The following TMC5 variants were observed in gnomAD, a reference collection of about 807,000 sequenced individuals.
TMC5 encodes the protein transmembrane channel like 5, also known as transmembrane channel-like protein 5.
A neutral mutation model predicts 110.5 loss-of-function variants in TMC5; 86 were observed. That is an observed-to-expected ratio of 0.78 (90% CI 0.65 to 0.93). The LOEUF (loss-of-function observed/expected upper bound fraction) is 0.93. TMC5 is among the 40% of genes least tolerant of loss of function. TMC5 has a pLI of 0.00. For synonymous variants in TMC5, 455 were observed against 439.5 expected (o/e 1.04, Z -0.44); for missense variants, 1,144 against 1,222.8 (o/e 0.94, Z 0.96).
intron 19 of TMC5, 87 bp downstream of exon 19, chr16:19,492,315 A>G (rs1597220462): frequency 2.3e-6 from 2 of 875,608 alleles, no homozygotes; most frequent in East Asian, 5.0e-5. Context: ...GAATACTACA[A>G]TGAACTCTCA....
chr16:19,434,072 T>TC (rs1401291931), intron 2 of TMC5, among the ~76,000 whole-genome samples: 4 of 20,184 alleles, frequency 2.0e-4, no homozygotes, highest in African/African-American at 1.6e-3. Context: ...TCTATATATA[T>TC]TATATATAAT....
rs371106224 is a variant in TMC5, at chr16:19,478,236, G to C, written c.2169+718G>C. On this transcript the variant is annotated intron_variant, in intron 13 of 21. Coordinates refer to ENST00000542583, the MANE Select transcript of TMC5 (RefSeq NM_001261841.2). ...GTCATTGTGAGCTCTCAGATACCCA[G>C]GATGCCCTGGGGTTGGAAGTAGAGT... is the stretch of plus-strand genomic sequence containing the variant. Among the ~76,000 whole-genome samples the C allele has an allele frequency of 1.4e-3, 213 of 152,290 alleles. 2 individuals carry two copies. Among genetic ancestry groups the C allele is most frequent in the African/African-American group, 4.9e-3 (203 of 41,564 alleles).
At chr16:19,430,899 G>A (rs113491918) in intron 2 of TMC5, among the ~76,000 whole-genome samples, 18,471 of 135,374 alleles carry the variant, frequency 0.14, 1,509 homozygotes, top group South Asian at 0.18. Context: ...TCGCTCTGTC[G>A]CCAGGCTGGA....
intron 4 of TMC5, 28 bp from the exon 5 acceptor site, chr16:19,449,514 G>C: frequency 4.4e-6 from 7 of 1,586,642 alleles, no homozygotes; most frequent in Non-Finnish European, 6.1e-6. Context: ...GAGACTAATC[G>C]GCAATATCTC....
At chr16:19,490,921 CTTTCT>C (rs1968883314) in intron 18 of TMC5, among the ~76,000 whole-genome samples, 15 of 119,746 alleles carry the variant, frequency 1.3e-4, no homozygotes, top group African/African-American at 4.9e-4. Context: ...CCTTCCCCTT[CTTTCT>C]CCCTTCCCCT....
chr16:19,493,170 A>G (rs1354411888), intron 19 of TMC5, among the ~76,000 whole-genome samples: 2 of 151,312 alleles, frequency 1.3e-5, no homozygotes, highest in Non-Finnish European at 2.9e-5. Flanking sequence ...CATGTTGGTC[A>G]GGCTGGTCTC....
chr16:19,460,312 A>G lies in TMC5; in HGVS notation c.1126A>G (p.Met376Val). The G allele has an allele frequency of 1.2e-6, 2 of 1,613,718 alleles. No homozygotes were observed. The highest frequency in any genetic ancestry group is 1.6e-4 in the Middle Eastern group (1 of 6,062). The change falls in exon 6 of 22, where the codon ATG (methionine) becomes GTG (valine). Residue 376 changes from methionine to valine, a missense_variant. Transcript: ENST00000542583. ...AGCCATCAGGAACCAGCCAAGGACC[A>G]TGGAAGAGAAAAGGAACCTTAGGTA... The part of the protein sequence containing the change: ...IKAIRNQPRT[M>V]EEKRNLRKIV...
intron 5 of TMC5, chr16:19,456,477 T>C: frequency 8.2e-7 from 1 of 1,226,770 alleles, no homozygotes; most frequent in Non-Finnish European, 1.0e-6. Flanking sequence ...AAAACACTCC[T>C]TCTCCTGAGA....
At chr16:19,416,703 C>T (rs1246649640), upstream of TMC5, among the ~76,000 whole-genome samples, 1 of 152,184 alleles carries the variant, frequency 6.6e-6, no homozygotes, top group Non-Finnish European at 1.5e-5. Context: ...TACTGCCTGT[C>T]CTTTGTTTCC....
rs563230178 is a variant in TMC5, at chr16:19,493,466, T to TCTTTCTCTCTCTCTTTC, written c.2827-796_2827-795insCTTTCTCTCTCTCTTTC. Among the ~76,000 whole-genome samples, 629 of 124,480 alleles carry TCTTTCTCTCTCTCTTTC rather than the reference T, an allele frequency of 5.1e-3. 3 individuals are homozygous for TCTTTCTCTCTCTCTTTC. The highest frequency in any genetic ancestry group is 6.6e-3 in the Non-Finnish European group (420 of 63,424). The allele number at this position is 124,480 out of a possible 152,430, so 81.7% of individuals were successfully genotyped here. A position where few individuals can be genotyped will look rare whatever the true frequency, so the allele number is the denominator to read the frequency against. ...TAATGTCTCTCTCTCTCTCTCTCTC[T>TCTTTCTCTCTCTCTTTC]TTTTTTTTTTTTGAGACAGAATCTC... is the stretch of plus-strand genomic sequence containing the variant. On this transcript the variant is annotated intron_variant, in intron 19 of 21. Transcript: ENST00000542583.
rs575187420 is a variant in TMC5 at position 19,487,286 on chromosome 16, T to C, written c.2533T>C (p.Phe845Leu). Residue 845 changes from phenylalanine to leucine, a missense_variant, in exon 17 of 22, where the codon TTC (phenylalanine) becomes CTC (leucine). Transcript: ENST00000542583. ...CATCTTCTTGCTCTTTTTCCCATCCTTCACCGGGGTCTTGTGCACCCTGGC... is the reference window on the plus strand; with the variant it reads ...CATCTTCTTGCTCTTTTTCCCATCCCTCACCGGGGTCTTGTGCACCCTGGC... ...FFIFLLFFPS[F>L]TGVLCTLAIT... 6 of 1,614,180 alleles carry C rather than the reference T, an allele frequency of 3.7e-6. No individual in the cohort carries two copies. The South Asian group carries it at 6.6e-5, about 18-fold the overall frequency.
rs1418433754 is a variant in TMC5 at position 19,487,465 on chromosome 16, G to A, written c.2573+139G>A. The A allele has an allele frequency of 3.5e-5, 41 of 1,161,084 alleles. 1 individual carries two copies. In the East Asian group the frequency reaches 1.0e-3, roughly 29 times the overall value. The allele number at this position is 1,161,084 out of a possible 1,614,324, so 71.9% of individuals were successfully genotyped here. ...GCCTGTGATCCCGGCACTATGGGAG[G>A]CCAAGGCGGGTGGATCACTTGAGGC... is the stretch of plus-strand genomic sequence containing the variant. On this transcript the variant is annotated intron_variant, in intron 17 of 21. Transcript: ENST00000542583.
At chr16:19,432,600 GC>G (rs1039330794) in intron 2 of TMC5, among the ~76,000 whole-genome samples, 1 of 152,084 alleles carries the variant, frequency 6.6e-6, no homozygotes, top group Non-Finnish European at 1.5e-5. Flanking sequence ...TTTCCTTATG[GC>G]CATTTCCTCC....
In TMC5 at chr16:19,434,327, CTAT is replaced by C. The variant is rs1309719155; in HGVS notation, c.-80+3688_-80+3690del. On this transcript the variant is annotated intron_variant, in intron 2 of 21. Transcript: ENST00000542583. Reference sequence around the variant, plus strand: ...TCTATATTATATATATAATATAGATCTATATATAATATATATTATATGATCTAT... The same window carrying C: ...TCTATATTATATATATAATATAGATCATATAATATATATTATATGATCTAT... 4.4e-4 allele frequency among the ~76,000 whole-genome samples: 47 copies of C among 106,372 alleles called. 1 individual carries two copies. Among genetic ancestry groups the C allele is most frequent in the East Asian group, 2.5e-3 (10 of 3,958 alleles). The allele number at this position is 106,372 out of a possible 152,430, so 69.8% of individuals were successfully genotyped here. A position where few individuals can be genotyped will look rare whatever the true frequency, so the allele number is the denominator to read the frequency against.
At chr16:19,450,958 C>G (rs946457869) in intron 5 of TMC5, among the ~76,000 whole-genome samples, 1 of 152,050 alleles carries the variant, frequency 6.6e-6, no homozygotes, top group Non-Finnish European at 1.5e-5. Flanking sequence ...GAATCAGAGG[C>G]AGAGACTGAA....
chr16:19,483,639 G>A (rs533352995), intron 15 of TMC5, among the ~76,000 whole-genome samples: 4 of 152,132 alleles, frequency 2.6e-5, no homozygotes, highest in South Asian at 4.2e-4. Flanking sequence ...TTAGCCAGGC[G>A]TGGTGGTGCA....
intron 3 of TMC5, among the ~76,000 whole-genome samples, chr16:19,442,004 C>T (rs1391179030): frequency 6.6e-6 from 1 of 152,084 alleles, no homozygotes; most frequent in East Asian, 1.9e-4. Flanking sequence ...GGTTTCTCCA[C>T]GTTGGTCAGG....
intron 15 of TMC5, among the ~76,000 whole-genome samples, chr16:19,484,548 G>C (rs1488992680): frequency 2.0e-5 from 3 of 152,046 alleles, no homozygotes. Context: ...GATCACTTGA[G>C]GTCAGGAGTT....
At chr16:19,414,207 T>C (rs960434844), upstream of TMC5, among the ~76,000 whole-genome samples, 1 of 151,994 alleles carries the variant, frequency 6.6e-6, no homozygotes, top group African/African-American at 2.4e-5. Flanking sequence ...GCTTTCTGTG[T>C]CTGGGGCTCC....
Sources: allele counts gnomAD v4.1 joint callset (sites outside exome capture counted in the v4.1 genomes callset), GRCh38; gene constraint gnomAD v4.1.1; transcripts MANE v1.5; gene names NCBI Gene and HGNC (gene_info 2026-07-23, HGNC 2026-07-21).